The following SPINK5 variants were observed in gnomAD, a reference collection of about 807,000 sequenced individuals.
SPINK5 encodes the protein serine peptidase inhibitor Kazal type 5.
A neutral mutation model predicts 151.8 loss-of-function variants in SPINK5; 125 were observed. The ratio of observed to expected loss-of-function variants is 0.82; its 90% CI spans 0.71 to 0.96. The LOEUF is 0.96. SPINK5 is among the 40% of genes least tolerant of loss of function. The pLI, the probability that SPINK5 is intolerant of heterozygous loss-of-function variation, is 0.00. For synonymous variants in SPINK5, 374 were observed against 395.3 expected (o/e 0.95, Z 0.64); for missense variants, 1,194 against 1,291.9 (o/e 0.92, Z 1.16).
At chr5:148,067,508 A>G (rs1329947237) in intron 2 of SPINK5, among the ~76,000 whole-genome samples, 2 of 152,144 alleles carry the variant, frequency 1.3e-5, no homozygotes, top group African/African-American at 4.8e-5. Flanking sequence ...AGGGTATTCC[A>G]TTTTGCTCAG....
chr5:148,100,062 CT>C (rs937947076), intron 12 of SPINK5, among the ~76,000 whole-genome samples: 7 of 151,962 alleles, frequency 4.6e-5, no homozygotes, highest in Admixed American at 3.3e-4. Flanking sequence ...TCCCAATTCA[CT>C]TTTTTTTGCC....
At position 148,123,512 on chromosome 5, in the gene SPINK5, A is replaced by ATATATATATATAT. The variant is rs1561703850; in HGVS notation, c.2539-321_2539-320insTATATATATATAT. ...TGTCCAGCCTGGAGTGCAGTGGTGCAATATATGTGTATATATATATATATA... is the reference window on the plus strand; with the variant it reads ...TGTCCAGCCTGGAGTGCAGTGGTGCATATATATATATATATATATGTGTATATATATATATATA... On this transcript the variant is annotated intron_variant, in intron 26 of 32. Transcript: ENST00000256084. Among the ~76,000 whole-genome samples, 67 of 120,934 alleles carry ATATATATATATAT rather than the reference A, an allele frequency of 5.5e-4. 1 individual carries two copies. The highest frequency in any genetic ancestry group is 1.9e-3 in the East Asian group (7 of 3,594). 79.3% of individuals were successfully genotyped at this position (120,934 alleles called of 152,430 possible).
intron 32 of SPINK5, among the ~76,000 whole-genome samples, chr5:148,135,393 CT>C (rs1223587002): frequency 6.6e-6 from 1 of 152,138 alleles, no homozygotes; most frequent in African/African-American, 2.4e-5. Flanking sequence ...GGAAAAACTA[CT>C]TTATAAAGAA....
At chr5:148,108,465 C>T (rs910848189) in intron 17 of SPINK5, among the ~76,000 whole-genome samples, 2 of 152,008 alleles carry the variant, frequency 1.3e-5, no homozygotes, top group African/African-American at 2.4e-5. Context: ...TAGCTTTATT[C>T]GGAATGTTAA....
At position 148,105,027 on chromosome 5, in the gene SPINK5, G is replaced by A. The variant is rs755314523; in HGVS notation, c.1479+27G>A. 6 of 1,610,134 alleles carry A rather than the reference G, an allele frequency of 3.7e-6. No homozygotes were observed. In the Admixed American group the frequency reaches 1.0e-4, roughly 27 times the overall value. ...TAATATTCTCAGGAATGCTGATGCT[G>A]TGCCCTGACATTTTTCATTTCTTTA... On this transcript the variant is annotated intron_variant, in intron 16 of 32. Coordinates refer to ENST00000256084, the MANE Select transcript of SPINK5 (RefSeq NM_006846.4).
intron 2 of SPINK5, 36 bp downstream of exon 2, chr5:148,065,408 C>G: frequency 6.2e-7 from 1 of 1,611,398 alleles, no homozygotes; most frequent in South Asian, 1.1e-5. Context: ...GAATTCATTC[C>G]AAGATTCCCA....
intron 7 of SPINK5, chr5:148,090,781 T>A (rs1561682855): frequency 4.8e-6 from 1 of 208,508 alleles, no homozygotes. Flanking sequence ...CAGCATTATT[T>A]TAAAGCTCTT....
At chr5:148,123,027 G>A (rs934844840) in intron 26 of SPINK5, among the ~76,000 whole-genome samples, 1 of 151,778 alleles carries the variant, frequency 6.6e-6, no homozygotes, top group African/African-American at 2.4e-5. Context: ...GACAGGTTTG[G>A]GGCTCTGCCT....
chr5:148,065,145 T>A (rs1367134909), intron 1 of SPINK5, among the ~76,000 whole-genome samples: 1 of 152,278 alleles, frequency 6.6e-6, no homozygotes, highest in South Asian at 2.1e-4. Context: ...TGATTAGACC[T>A]TTGTGAGTAT....
chr5:148,092,151 C>CTAA (rs1031734818), intron 8 of SPINK5, among the ~76,000 whole-genome samples: 3 of 151,878 alleles, frequency 2.0e-5, no homozygotes, highest in Non-Finnish European at 4.4e-5. Context: ...CACTTTTGTA[C>CTAA]TAATACAAGT....
Position 148,070,380 on chromosome 5 carries a change from G to T in SPINK5, c.139G>T (p.Asp47Tyr), listed in dbSNP as rs199620733. The T allele has an allele frequency of 3.8e-5, 61 of 1,612,696 alleles. No individual in the cohort carries two copies. The highest frequency in any genetic ancestry group is 4.9e-5 in the Non-Finnish European group (58 of 1,179,300). The change falls in exon 3 of 33, where the codon GAT (aspartate) becomes TAT (tyrosine). Residue 47 changes from aspartate to tyrosine, a missense_variant. Coordinates refer to ENST00000256084, the MANE Select transcript of SPINK5 (RefSeq NM_006846.4). The stretch of plus-strand genomic sequence containing the variant: ...AAATGGAAAACTGTTCTGTCCCCAG[G>T]ATAAGAAATTTTTTCAAAGTCTTGA... ...MKNGKLFCPQ[D>Y]KKFFQSLDGI...
chr5:148,130,018 T>C (rs1206504292), intron 30 of SPINK5, among the ~76,000 whole-genome samples: 5 of 152,122 alleles, frequency 3.3e-5, no homozygotes, highest in Admixed American at 2.6e-4. Flanking sequence ...TATCAACTTA[T>C]TCTTTTCAAG....
intron 21 of SPINK5, 109 bp from the exon 22 acceptor site, chr5:148,116,261 C>A: frequency 9.0e-7 from 1 of 1,116,172 alleles, no homozygotes; most frequent in Non-Finnish European, 1.3e-6. Context: ...TAACTCAATG[C>A]TCGATAATTC....
At chr5:148,102,045 TA>T in intron 15 of SPINK5, 137 bp downstream of exon 15, 1 of 1,278,150 alleles carries the variant, frequency 7.8e-7, no homozygotes, top group Non-Finnish European at 1.1e-6. Context: ...TTAAATGGAC[TA>T]AAAACAAACA....
chr5:148,107,186 C>A, intron 17 of SPINK5, 22 bp downstream of exon 17: 2 of 1,608,924 alleles, frequency 1.2e-6, no homozygotes, highest in South Asian at 1.1e-5. Context: ...CCCCATCTCT[C>A]CCACTGAATT....
At chr5:148,123,414 T>TTATA (rs1464701119) in intron 26 of SPINK5, among the ~76,000 whole-genome samples, 1 of 134,944 alleles carries the variant, frequency 7.4e-6, no homozygotes, top group African/African-American at 2.9e-5. Flanking sequence ...ATATAATATA[T>TTATA]TATATATATA....
At chr5:148,117,722 A>G (rs1380146941) in intron 22 of SPINK5, among the ~76,000 whole-genome samples, 1 of 152,094 alleles carries the variant, frequency 6.6e-6, no homozygotes, top group Non-Finnish European at 1.5e-5. Context: ...TGGGATGTGA[A>G]ACCTGCATAT....
chr5:148,125,454 G>A (rs567606466), intron 28 of SPINK5: 1 of 1,392,294 alleles, frequency 7.2e-7, no homozygotes, highest in Admixed American at 1.9e-5. Context: ...GGAAAGGAAG[G>A]ATGGATGAAC....
chr5:148,119,003 G>A lies in SPINK5; in HGVS notation c.2258G>A (p.Arg753Lys), dbSNP rs1561700546. ...CKAKLEREAE[R>K]KNEYSRSRSN... Reference sequence around the variant, plus strand: ...TCCTCCAGGGAAAGAGAAGCAGAGAGAAAAAATGAGTATTCTCGCTCCAGA... The same window carrying A: ...TCCTCCAGGGAAAGAGAAGCAGAGAAAAAAAATGAGTATTCTCGCTCCAGA... The change falls in exon 24 of 33, where the codon AGA (arginine) becomes AAA (lysine). Residue 753 changes from arginine to lysine, a missense_variant. Coordinates refer to ENST00000256084, the MANE Select transcript of SPINK5 (RefSeq NM_006846.4). The A allele has an allele frequency of 6.2e-7, 1 of 1,613,984 alleles. No individual in the cohort carries two copies. Among genetic ancestry groups the A allele is most frequent in the Admixed American group, 1.7e-5 (1 of 60,014 alleles).
Sources: gnomAD v4.1 joint callset for allele counts (sites outside exome capture counted in the v4.1 genomes callset) on GRCh38, gnomAD v4.1.1 for gene constraint, MANE v1.5 for transcripts, NCBI Gene and HGNC (gene_info 2026-07-23, HGNC 2026-07-21) for gene names.